The following AKAP19 variants were observed in gnomAD, a reference collection of about 807,000 sequenced individuals.
AKAP19 encodes small A-kinase anchoring protein.
the AKAP19 span, among the ~76,000 whole-genome samples, chr2:189,900,930 G>A: frequency 6.6e-6 from 1 of 152,296 alleles, no homozygotes; most frequent in South Asian, 2.1e-4. Context: ...ATAACACCAA[G>A]GTTGCAGTGA....
the AKAP19 span, among the ~76,000 whole-genome samples, chr2:190,017,275 A>G: frequency 0.034 from 5,222 of 152,246 alleles, 285 homozygotes; most frequent in African/African-American, 0.12. Flanking sequence ...TTTATATTCA[A>G]AATCATCAAT....
chr2:190,050,657 G>T, the AKAP19 span, among the ~76,000 whole-genome samples: 2 of 152,146 alleles, frequency 1.3e-5, no homozygotes, highest in Non-Finnish European at 2.9e-5. Flanking sequence ...GAAAAAAATG[G>T]TAGCAAGTGC....
At chr2:189,961,925 A>G in the AKAP19 span, among the ~76,000 whole-genome samples, 1 of 151,876 alleles carries the variant, frequency 6.6e-6, no homozygotes, top group Non-Finnish European at 1.5e-5. Context: ...AAAAAAAAAA[A>G]GTATCAGACT....
At chr2:190,092,811 A>ATT in the AKAP19 span, among the ~76,000 whole-genome samples, 3 of 151,920 alleles carry the variant, frequency 2.0e-5, no homozygotes, top group Non-Finnish European at 4.4e-5. Flanking sequence ...TGTGAAAAAT[A>ATT]TTATTTCCTT....
chr2:189,980,815 T>G, the AKAP19 span, among the ~76,000 whole-genome samples: 1 of 152,178 alleles, frequency 6.6e-6, no homozygotes, highest in Non-Finnish European at 1.5e-5. Context: ...TTAGTTTCCA[T>G]GTATTTTTGT....
chr2:190,030,609 A>G, the AKAP19 span, among the ~76,000 whole-genome samples: 4 of 152,342 alleles, frequency 2.6e-5, no homozygotes, highest in East Asian at 1.9e-4. Context: ...CCAGTTACCC[A>G]TAACTATTTT....
chr2:190,055,950 T>G, the AKAP19 span: 3 of 152,548 alleles, frequency 2.0e-5, no homozygotes, highest in Non-Finnish European at 2.9e-5. Flanking sequence ...TTGGTATACT[T>G]AGTAATGTTT....
the AKAP19 span, among the ~76,000 whole-genome samples, chr2:189,991,744 C>T: frequency 1.3e-5 from 2 of 152,150 alleles, no homozygotes; most frequent in Non-Finnish European, 1.5e-5. Context: ...CATTTGCTTT[C>T]GGGTTCTTGG....
the AKAP19 span, among the ~76,000 whole-genome samples, chr2:190,130,054 C>CTA: frequency 6.6e-6 from 1 of 152,156 alleles, no homozygotes; most frequent in Admixed American, 6.5e-5. Flanking sequence ...GAATAGACTT[C>CTA]TAGTCCAATT....
At chr2:189,935,549 A>G in the AKAP19 span, among the ~76,000 whole-genome samples, 1 of 152,088 alleles carries the variant, frequency 6.6e-6, no homozygotes, top group African/African-American at 2.4e-5. Flanking sequence ...GAGTCTAGGA[A>G]ACCCAAAATG....
the AKAP19 span, among the ~76,000 whole-genome samples, chr2:190,117,762 G>A: frequency 6.6e-6 from 1 of 152,242 alleles, no homozygotes; most frequent in Non-Finnish European, 1.5e-5. Flanking sequence ...AAGAAAGCCA[G>A]ATATATGAGG....
the AKAP19 span, among the ~76,000 whole-genome samples, chr2:190,042,019 A>T: frequency 6.6e-6 from 1 of 152,060 alleles, no homozygotes; most frequent in African/African-American, 2.4e-5. Context: ...TATCAGGGTG[A>T]TGCTGGCCTC....
At chr2:189,905,897 G>T in the AKAP19 span, among the ~76,000 whole-genome samples, 1 of 151,954 alleles carries the variant, frequency 6.6e-6, no homozygotes, top group African/African-American at 2.4e-5. Context: ...ATTTTAGAAT[G>T]GTACATTTTC....
At chr2:190,072,121 A>G in the AKAP19 span, among the ~76,000 whole-genome samples, 1 of 152,200 alleles carries the variant, frequency 6.6e-6, no homozygotes, top group Non-Finnish European at 1.5e-5. Flanking sequence ...ACATGGATGC[A>G]GCTGGAGGCC....
chr2:190,200,571 G>GCGAGGGAATGGCACT, the AKAP19 span: 1 of 180,862 alleles, frequency 5.5e-6, no homozygotes, highest in Non-Finnish European at 1.3e-5. Flanking sequence ...AAATTTCTTG[G>GCGAGGGAATGGCACT]CGAGGGAATG....
At chr2:190,109,531 C>T in the AKAP19 span, among the ~76,000 whole-genome samples, 1 of 152,074 alleles carries the variant, frequency 6.6e-6, no homozygotes. Flanking sequence ...GGTGCTCCAC[C>T]ATATGCCTGC....
the AKAP19 span, among the ~76,000 whole-genome samples, chr2:190,057,977 G>A: frequency 6.6e-6 from 1 of 152,128 alleles, no homozygotes; most frequent in South Asian, 2.1e-4. Flanking sequence ...AGGAGAGAGA[G>A]AGGAGAAGAA....
chr2:190,083,424 A>T, the AKAP19 span, among the ~76,000 whole-genome samples: 1 of 152,212 alleles, frequency 6.6e-6, no homozygotes. Flanking sequence ...AAGCTGAGGC[A>T]CTAAATATAA....
At chr2:189,942,388 C>T in the AKAP19 span, among the ~76,000 whole-genome samples, 4 of 152,198 alleles carry the variant, frequency 2.6e-5, no homozygotes, top group South Asian at 8.3e-4. Context: ...TAGCATTGTG[C>T]TTCCTGTAAA....
Sources: gnomAD v4.1 joint callset for allele counts (sites outside exome capture counted in the v4.1 genomes callset) on GRCh38, gnomAD v4.1.1 for gene constraint, MANE v1.5 for transcripts, NCBI Gene and HGNC (gene_info 2026-07-23, HGNC 2026-07-21) for gene names.